Variants in HDAC9 observed in about 807,000 individuals in gnomAD.
The protein encoded by HDAC9 is MEF-2 interacting transcription repressor (MITR) protein.
A neutral mutation model predicts 139.4 loss-of-function variants in HDAC9; 41 were observed. The observed-to-expected ratio is 0.29, with a 90% CI of 0.23 to 0.38. The LOEUF is 0.38. Among genes scored for constraint, HDAC9 ranks in the 10% least tolerant of loss-of-function variants. The pLI is 1.00. For synonymous variants in HDAC9, 517 were observed against 476.2 expected (o/e 1.09, Z -1.12); for missense variants, 1,147 against 1,297.0 (o/e 0.88, Z 1.78).
At chr7:18,725,149 G>C (rs920620072) in intron 12 of HDAC9, among the ~76,000 whole-genome samples, 5 of 151,980 alleles carry the variant, frequency 3.3e-5, no homozygotes, top group African/African-American at 1.2e-4. Context: ...CTTGCTGTTA[G>C]GGGCCCACAA....
intron 1 of HDAC9, among the ~76,000 whole-genome samples, chr7:18,369,263 G>A (rs978103480): frequency 2.6e-5 from 4 of 151,990 alleles, no homozygotes; most frequent in African/African-American, 7.2e-5. Flanking sequence ...AGTGGAATTC[G>A]TATGGAAATA....
intron 1 of HDAC9, among the ~76,000 whole-genome samples, chr7:18,149,280 G>T (rs1312532342): frequency 1.3e-5 from 2 of 149,934 alleles, no homozygotes; most frequent in Admixed American, 1.3e-4. Context: ...TAAGAAAAAA[G>T]AAAAGAAAAA....
At chr7:18,923,726 A>G (rs569641845) in intron 22 of HDAC9, among the ~76,000 whole-genome samples, 1 of 152,098 alleles carries the variant, frequency 6.6e-6, no homozygotes, top group Non-Finnish European at 1.5e-5. Flanking sequence ...TCACAAGTAG[A>G]CCATGGCTTA....
upstream of HDAC9, among the ~76,000 whole-genome samples, chr7:18,492,824 T>C (rs1197985026): frequency 2.0e-5 from 3 of 151,964 alleles, no homozygotes; most frequent in South Asian, 4.1e-4. Context: ...AATGGAAATA[T>C]GGTAATCAAT....
chr7:18,618,250 T>C (rs1316835505), intron 6 of HDAC9, among the ~76,000 whole-genome samples: 2 of 152,182 alleles, frequency 1.3e-5, no homozygotes, highest in Non-Finnish European at 2.9e-5. Context: ...ATGGCTGTTA[T>C]TGTCCACATT....
chr7:18,357,452 GT>G, intron 1 of HDAC9, among the ~76,000 whole-genome samples: 1 of 152,072 alleles, frequency 6.6e-6, no homozygotes, highest in Middle Eastern at 3.4e-3. Context: ...TTGTTTGGTT[GT>G]TTATTGAGAG....
intron 1 of HDAC9, among the ~76,000 whole-genome samples, chr7:18,444,369 A>G (rs1014015715): frequency 2.1e-5 from 3 of 144,344 alleles, no homozygotes; most frequent in Non-Finnish European, 4.6e-5. Flanking sequence ...AAAAAAAAAG[A>G]GTGATGTGCT....
chr7:18,388,827 G>A (rs905821726), intron 1 of HDAC9, among the ~76,000 whole-genome samples: 3 of 152,104 alleles, frequency 2.0e-5, no homozygotes, highest in Non-Finnish European at 4.4e-5. Context: ...GTTTTTCAAA[G>A]CTTTTATATT....
At chr7:18,938,018 T>G (rs988418834) in intron 23 of HDAC9, among the ~76,000 whole-genome samples, 7 of 152,184 alleles carry the variant, frequency 4.6e-5, no homozygotes, top group Non-Finnish European at 7.3e-5. Context: ...TCTTAATTTA[T>G]CTGTGTTTAC....
chr7:18,188,072 G>C (rs1030774640), intron 2 of HDAC9, among the ~76,000 whole-genome samples: 2 of 152,160 alleles, frequency 1.3e-5, no homozygotes, highest in African/African-American at 4.8e-5. Context: ...CAAAGCTGGA[G>C]GCATCATGCT....
At chr7:18,172,734 G>A (rs1297442947) in intron 2 of HDAC9, among the ~76,000 whole-genome samples, 1 of 152,196 alleles carries the variant, frequency 6.6e-6, no homozygotes, top group East Asian at 1.9e-4. Context: ...GGAGCAGGTT[G>A]TTCAGTTTCC....
chr7:18,400,133 G>A (rs912009507), intron 1 of HDAC9, among the ~76,000 whole-genome samples: 2 of 152,210 alleles, frequency 1.3e-5, no homozygotes, highest in African/African-American at 4.8e-5. Context: ...GACAACATTA[G>A]ATGGAAGAAG....
intron 22 of HDAC9, among the ~76,000 whole-genome samples, chr7:18,929,190 C>G (rs1001480077): frequency 2.6e-5 from 4 of 152,014 alleles, no homozygotes; most frequent in African/African-American, 7.2e-5. Flanking sequence ...CAAACAACTT[C>G]TAAACTAGAG....
chr7:18,835,138 G>C (rs1488870419), intron 19 of HDAC9, among the ~76,000 whole-genome samples: 4 of 152,078 alleles, frequency 2.6e-5, no homozygotes, highest in African/African-American at 9.7e-5. Flanking sequence ...ACAAAGAGCC[G>C]GTGTATAAAT....
At chr7:18,335,321 TA>T (rs1781505607) in intron 1 of HDAC9, among the ~76,000 whole-genome samples, 1 of 151,530 alleles carries the variant, frequency 6.6e-6, no homozygotes, top group Non-Finnish European at 1.5e-5. Flanking sequence ...TACTGATCTT[TA>T]TGCCACCAAC....
chr7:18,190,058 A>T (rs903255044), intron 2 of HDAC9, among the ~76,000 whole-genome samples: 1 of 150,386 alleles, frequency 6.6e-6, no homozygotes, highest in African/African-American at 2.5e-5. Flanking sequence ...TTCTGCCTCA[A>T]CCTCCCAACT....
At chr7:18,863,729 A>G (rs905380876) in intron 21 of HDAC9, among the ~76,000 whole-genome samples, 1 of 152,204 alleles carries the variant, frequency 6.6e-6, no homozygotes, top group Non-Finnish European at 1.5e-5. Context: ...ATGGTGAAAA[A>G]AAACCAGAAG....
chr7:18,184,677 A>G (rs1488736076), intron 2 of HDAC9, among the ~76,000 whole-genome samples: 2 of 152,250 alleles, frequency 1.3e-5, no homozygotes, highest in East Asian at 3.8e-4. Flanking sequence ...TATATTAACC[A>G]GATCAAATGT....
upstream of HDAC9, among the ~76,000 whole-genome samples, chr7:18,286,334 T>C (rs1364217654): frequency 6.6e-6 from 1 of 151,042 alleles, no homozygotes; most frequent in Non-Finnish European, 1.5e-5. Context: ...CTATCCAGTC[T>C]AGTGGTACAT....
Sources: allele counts gnomAD v4.1 joint callset (sites outside exome capture counted in the v4.1 genomes callset), GRCh38; gene constraint gnomAD v4.1.1; transcripts MANE v1.5; gene names NCBI Gene and HGNC (gene_info 2026-07-23, HGNC 2026-07-21).